The following TPX2 variants were observed in gnomAD, a reference collection of about 807,000 sequenced individuals.
TPX2 encodes TPX2 microtubule nucleation factor.
TPX2 carries 21 observed loss-of-function variants against 93.6 expected under a neutral mutation model. That is an observed-to-expected ratio of 0.22 (90% CI 0.16 to 0.32). The LOEUF is 0.32. Among genes scored for constraint, TPX2 ranks in the 10% least tolerant of loss-of-function variants. The pLI is 1.00. For missense variants in TPX2, 776 were observed against 871.1 expected (o/e 0.89, Z 1.37); for synonymous variants, 281 against 298.3 (o/e 0.94, Z 0.60).
chr20:31,774,807 G>A (rs2061985727), intron 7 of TPX2, among the ~76,000 whole-genome samples: 1 of 152,108 alleles, frequency 6.6e-6, no homozygotes, highest in Non-Finnish European at 1.5e-5. Flanking sequence ...GCCTTGCTGT[G>A]TTGCCTAGGC....
chr20:31,743,665 C>T (rs182663199), intron 2 of TPX2, among the ~76,000 whole-genome samples: 72 of 151,756 alleles, frequency 4.7e-4, no homozygotes, highest in South Asian at 2.9e-3. Flanking sequence ...TGCACTCCAA[C>T]CTGGGTGGCA....
At chr20:31,766,454 GGTGTGTGT>G (rs35700111) in intron 4 of TPX2, 94 bp from the exon 5 acceptor site, 427 of 720,152 alleles carry the variant, frequency 5.9e-4, no homozygotes, top group Admixed American at 2.6e-3. Flanking sequence ...GCTTAGACAG[GGTGTGTGT>G]GTGTGTGTGT....
At chr20:31,766,760 G>T in intron 5 of TPX2, 78 bp downstream of exon 5, 3 of 1,244,254 alleles carry the variant, frequency 2.4e-6, no homozygotes, top group Non-Finnish European at 2.2e-6. Flanking sequence ...CATCTATTAT[G>T]TGTCTATACT....
At chr20:31,757,024 C>T (rs1421008814) in intron 2 of TPX2, among the ~76,000 whole-genome samples, 8 of 152,046 alleles carry the variant, frequency 5.3e-5, no homozygotes, top group Admixed American at 5.2e-4. Flanking sequence ...ATAGGGTCAA[C>T]TACTTACAGA....
At position 31,782,079 on chromosome 20, in the gene TPX2, G is replaced by A. The variant is rs112814013; in HGVS notation, c.1055-170G>A. ...ACCCCTCAATAAAAGAGGAATAGGG[G>A]AGAAGTAACTGAATGTTGGTTGGTT... On this transcript the variant is annotated intron_variant, in intron 10 of 17. Transcript: ENST00000300403. 7.9e-5 allele frequency among the ~76,000 whole-genome samples: 12 copies of A among 152,318 alleles called. No individual in the cohort carries two copies. The East Asian group carries it at 2.3e-3, about 29-fold the overall frequency.
At chr20:31,763,844 C>G (rs1008938791) in intron 4 of TPX2, among the ~76,000 whole-genome samples, 2 of 150,842 alleles carry the variant, frequency 1.3e-5, no homozygotes, top group South Asian at 4.2e-4. Context: ...ATGGTGAAAC[C>G]CTGTCTCTAC....
intron 17 of TPX2, 111 bp from the exon 18 acceptor site, chr20:31,800,859 C>T: frequency 1.1e-6 from 1 of 880,824 alleles, no homozygotes; most frequent in Non-Finnish European, 1.8e-6. Context: ...AAACTAGTGA[C>T]TGGGACCTGT....
intron 8 of TPX2, among the ~76,000 whole-genome samples, chr20:31,777,102 C>T (rs2062005099): frequency 6.6e-6 from 1 of 152,142 alleles, no homozygotes; most frequent in South Asian, 2.1e-4. Flanking sequence ...AAAAGCACCC[C>T]TGGAGTTTAT....
intron 2 of TPX2, among the ~76,000 whole-genome samples, chr20:31,753,283 A>C (rs2061830879): frequency 6.6e-6 from 1 of 152,188 alleles, no homozygotes. Context: ...TCAGGTCCAG[A>C]TCTGGCTCTG....
Position 31,783,917 on chromosome 20 carries a change from T to C in TPX2, c.1409T>C (p.Val470Ala), listed in dbSNP as rs773838940. The C allele has an allele frequency of 6.2e-7, 1 of 1,613,314 alleles. No individual in the cohort carries two copies. Residue 470 changes from valine (V) to alanine (A), a missense_variant, in exon 12 of 18, where the codon GTT (valine) becomes GCT (alanine). Val to Ala is a moderately conservative substitution (Grantham distance 64). Around this residue, in one of 3 missense-constraint regions of TPX2, gnomAD observed 461 missense variants for 551.2 expected, o/e 0.84. Transcript: ENST00000300403. ...RPCPTKILED[V>A]VGVPEKKVLP... Reference sequence around the variant, plus strand: ...TGCCCTACTAAGATTTTGGAAGATGTTGTGGTAAGGTTGAGGCTATGTGTG... The same window carrying C: ...TGCCCTACTAAGATTTTGGAAGATGCTGTGGTAAGGTTGAGGCTATGTGTG...
intron 17 of TPX2, among the ~76,000 whole-genome samples, chr20:31,799,125 G>T (rs769772854): frequency 1.3e-5 from 2 of 152,138 alleles, no homozygotes; most frequent in Non-Finnish European, 2.9e-5. Flanking sequence ...AGTGTTCGTC[G>T]CTCCAGGTAA....
chr20:31,750,831 T>G (rs2061815245), intron 2 of TPX2, among the ~76,000 whole-genome samples: 1 of 152,242 alleles, frequency 6.6e-6, no homozygotes, highest in African/African-American at 2.4e-5. Context: ...AATAAAAATT[T>G]GAGAAAGCTC....
chr20:31,772,666 G>C (rs1477581621), intron 7 of TPX2, among the ~76,000 whole-genome samples: 1 of 152,124 alleles, frequency 6.6e-6, no homozygotes, highest in Non-Finnish European at 1.5e-5. Context: ...TTATTGACTT[G>C]CCATGAGATT....
chr20:31,782,151 G>A, intron 10 of TPX2, 98 bp from the exon 11 acceptor site: 1 of 1,465,112 alleles, frequency 6.8e-7, no homozygotes, highest in Non-Finnish European at 9.1e-7. Context: ...CCACTCTGTG[G>A]TTGGTTTATC....
chr20:31,774,134 G>T (rs1180389667), intron 7 of TPX2, among the ~76,000 whole-genome samples: 1 of 152,174 alleles, frequency 6.6e-6, no homozygotes, highest in Non-Finnish European at 1.5e-5. Context: ...CTCCCAAAGT[G>T]CTGGGATTAC....
chr20:31,761,017 C>T (rs751124588), intron 4 of TPX2, among the ~76,000 whole-genome samples: 19 of 152,072 alleles, frequency 1.2e-4, no homozygotes, highest in Admixed American at 8.5e-4. Flanking sequence ...TTAACTCACA[C>T]ATCATATGAT....
intron 5 of TPX2, among the ~76,000 whole-genome samples, chr20:31,767,009 C>G (rs1032076531): frequency 6.6e-6 from 1 of 151,936 alleles, no homozygotes; most frequent in East Asian, 1.9e-4. Flanking sequence ...GCCATGTTGG[C>G]CAGGCTGGTC....
Position 31,757,565 on chromosome 20 carries a change from A to AC in TPX2, c.90dup (p.Ile31HisfsTer6), listed in dbSNP as rs777918148. On this transcript the variant is annotated frameshift_variant, in exon 3 of 18. Coordinates refer to ENST00000300403, the MANE Select transcript of TPX2 (RefSeq NM_012112.5). LOFTEE classifies it high-confidence loss of function. ...TTGGATGATGAAGGAGATACTCAAA[A>AC]CATAGATTCATGGTTTGGTAAGTGC... 6.2e-7 allele frequency: 1 copy of AC among 1,613,606 alleles called. No individual in the cohort carries two copies. The highest frequency in any genetic ancestry group is 1.1e-5 in the South Asian group (1 of 91,064).
chr20:31,768,128 C>T (rs567287095), intron 5 of TPX2, among the ~76,000 whole-genome samples: 3 of 151,828 alleles, frequency 2.0e-5, no homozygotes, highest in Non-Finnish European at 4.4e-5. Context: ...GAGATAGTGT[C>T]TTTCCATGTT....
Sources: gnomAD v4.1 joint callset for allele counts (sites outside exome capture counted in the v4.1 genomes callset) on GRCh38, gnomAD v4.1.1 for gene constraint, gnomAD v4.1.1 regional missense constraint, MANE v1.5 for transcripts, NCBI Gene and HGNC (gene_info 2026-07-23, HGNC 2026-07-21) for gene names.